Variants in GABRG1 observed in about 807,000 individuals in gnomAD.
GABRG1 encodes gamma-aminobutyric acid type A receptor subunit gamma1, also known as gamma-aminobutyric acid receptor subunit gamma-1.
A neutral mutation model predicts 49.8 loss-of-function variants in GABRG1; 49 were observed. The observed-to-expected ratio is 0.98, with a 90% confidence interval of 0.78 to 1.25. The LOEUF is 1.25. Ranked by LOEUF, GABRG1 falls within the 50% of genes most tolerant of loss-of-function variation. The pLI, the probability that GABRG1 is intolerant of heterozygous loss-of-function variation, is 0.00. For synonymous variants in GABRG1, 232 were observed against 185.1 expected (o/e 1.25, Z -2.06); for missense variants, 552 against 552.3 (o/e 1.00, Z 0.01).
In GABRG1 at chr4:46,041,169, C is replaced by T. The variant is rs1181924335; in HGVS notation, c.1217G>A (p.Cys406Tyr). Residue 406 changes from cysteine (C) to tyrosine (Y), a missense_variant, in exon 9 of 9, where the codon TGT becomes TAT. Cys to Tyr is a radical substitution (Grantham distance 194). Transcript: ENST00000295452. ...VPQEDDYGYQ[C>Y]LEGKDCASFF... is the part of the protein sequence containing the mutation. ...GCTGGCACAATCTTTGCCCTCCAAA[C>T]ACTGATACCCATAATCATCTTCTTG... 6.2e-7 allele frequency: 1 copy of T among 1,613,056 alleles called. No homozygotes were observed. The highest frequency in any genetic ancestry group is 1.1e-5 in the South Asian group (1 of 91,078).
chr4:46,107,955 T>C (rs916197515), intron 1 of GABRG1, among the ~76,000 whole-genome samples: 11 of 151,200 alleles, frequency 7.3e-5, no homozygotes, highest in African/African-American at 2.7e-4. Context: ...GTATATGTGA[T>C]AGACAAAAAT....
intron 1 of GABRG1, among the ~76,000 whole-genome samples, chr4:46,112,902 A>G (rs1459949175): frequency 6.6e-6 from 1 of 151,040 alleles, no homozygotes; most frequent in East Asian, 2.0e-4. Flanking sequence ...CAGGTAAAAA[A>G]TCTGCACATG....
At chr4:46,092,542 A>G (rs1417516431) in intron 2 of GABRG1, among the ~76,000 whole-genome samples, 1 of 152,056 alleles carries the variant, frequency 6.6e-6, no homozygotes, top group Non-Finnish European at 1.5e-5. Context: ...AATAGAGAAC[A>G]AATTAAATAG....
chr4:46,075,120 T>G (rs1719275935), intron 3 of GABRG1, among the ~76,000 whole-genome samples: 1 of 151,804 alleles, frequency 6.6e-6, no homozygotes, highest in Non-Finnish European at 1.5e-5. Flanking sequence ...GGATAAAGCC[T>G]AAGATGAACA....
intron 1 of GABRG1, among the ~76,000 whole-genome samples, chr4:46,117,727 C>CATATATA (rs1401225331): frequency 1.4e-5 from 2 of 141,952 alleles, no homozygotes; most frequent in Non-Finnish European, 3.1e-5. Flanking sequence ...TATACATATA[C>CATATATA]ATATATACAT....
chr4:46,115,548 A>C (rs533546944), intron 1 of GABRG1, among the ~76,000 whole-genome samples: 1 of 150,918 alleles, frequency 6.6e-6, no homozygotes. Flanking sequence ...CAAACTGTAA[A>C]GTAAAATTAA....
In GABRG1 at chr4:46,097,318, C is replaced by T. The variant is rs868280695; in HGVS notation, c.136G>A (p.Asp46Asn). ...VDKADDEDDE[D>N]LTVNKTWVLA... ...ACCCAGGTTTTGTTCACCGTTAAATCCTCATCATCTTCATCATCTGCCTTA... is the reference window on the plus strand; with the variant it reads ...ACCCAGGTTTTGTTCACCGTTAAATTCTCATCATCTTCATCATCTGCCTTA... The change falls in exon 2 of 9, where the codon GAT becomes AAT. Residue 46 changes from aspartate (D) to asparagine (N), a missense_variant. Coordinates refer to ENST00000295452, the MANE Select transcript of GABRG1 (RefSeq NM_173536.4). 1 of 1,609,280 alleles carries T rather than the reference C, an allele frequency of 6.2e-7. No homozygotes were observed. Among genetic ancestry groups the T allele is most frequent in the Non-Finnish European group, 8.5e-7 (1 of 1,177,316 alleles).
Position 46,039,504 on chromosome 4 carries a change from T to C in GABRG1, c.*1484A>G, listed in dbSNP as rs1159921250. The C allele has an allele frequency of 6.6e-6, 1 of 151,734 alleles. No homozygotes were observed. 9.4% of individuals were successfully genotyped at this position (151,734 alleles called of 1,614,324 possible). On this transcript the variant is annotated 3_prime_UTR_variant, in exon 9 of 9. Transcript: ENST00000295452. The stretch of plus-strand genomic sequence containing the variant: ...AATTGCAGAGGTGACAGGTTTCCTC[T>C]CAAACCTTAAGTAAGATAGGCTGTG...
At chr4:46,087,533 T>A (rs1395381220) in intron 2 of GABRG1, among the ~76,000 whole-genome samples, 1 of 151,778 alleles carries the variant, frequency 6.6e-6, no homozygotes, top group Admixed American at 6.6e-5. Context: ...CAGGAGGAGA[T>A]AAATTTTTCA....
At chr4:46,118,392 T>G (rs1720998380) in intron 1 of GABRG1, among the ~76,000 whole-genome samples, 1 of 150,586 alleles carries the variant, frequency 6.6e-6, no homozygotes, top group African/African-American at 2.4e-5. Context: ...GGCAACTTCT[T>G]TATTGCTCCC....
chr4:46,092,952 C>A (rs1454354654), intron 2 of GABRG1, among the ~76,000 whole-genome samples: 1 of 151,356 alleles, frequency 6.6e-6, no homozygotes, highest in Non-Finnish European at 1.5e-5. Flanking sequence ...GCCTATAATC[C>A]CAGCTACTCA....
chr4:46,038,911 T>A lies in GABRG1; in HGVS notation c.*2077A>T, dbSNP rs1717642784. 6.6e-6 allele frequency: 1 copy of A among 150,432 alleles called. No homozygotes were observed. Among genetic ancestry groups the A allele is most frequent in the Non-Finnish European group, 1.5e-5 (1 of 67,570 alleles). The allele number at this position is 150,432 out of a possible 1,614,324, so 9.3% of individuals were successfully genotyped here. A position where few individuals can be genotyped will look rare whatever the true frequency, so the allele number is the denominator to read the frequency against. On this transcript the variant is annotated 3_prime_UTR_variant, in exon 9 of 9. Coordinates refer to ENST00000295452, the MANE Select transcript of GABRG1 (RefSeq NM_173536.4). The stretch of plus-strand genomic sequence containing the variant: ...AACACCAGTGAGAAAATCAAAGCTA[T>A]TTTTTTTCTTTTACATAGAACGTGG...
At chr4:46,053,994 A>G (rs1718347701) in intron 7 of GABRG1, among the ~76,000 whole-genome samples, 6 of 38,128 alleles carry the variant, frequency 1.6e-4, no homozygotes, top group Non-Finnish European at 2.5e-4. Flanking sequence ...CATCGTTTAA[A>G]TCTTTAATCC....
At chr4:46,108,709 G>A (rs1720634661) in intron 1 of GABRG1, among the ~76,000 whole-genome samples, 1 of 150,860 alleles carries the variant, frequency 6.6e-6, no homozygotes, top group African/African-American at 2.4e-5. Context: ...TTTGTTGTAT[G>A]AATGAAAACA....
At chr4:46,081,782 G>A (rs1384017288) in intron 3 of GABRG1, among the ~76,000 whole-genome samples, 6 of 151,866 alleles carry the variant, frequency 4.0e-5, no homozygotes, top group South Asian at 2.1e-4. Context: ...GTCAACATGC[G>A]GCTTTTAGGG....
intron 8 of GABRG1, among the ~76,000 whole-genome samples, chr4:46,050,033 A>G (rs1718155460): frequency 6.6e-6 from 1 of 151,984 alleles, no homozygotes; most frequent in Non-Finnish European, 1.5e-5. Context: ...ATAGATACAG[A>G]TAAGTAAACG....
chr4:46,053,555 T>G (rs983735812), intron 7 of GABRG1, among the ~76,000 whole-genome samples: 1 of 151,972 alleles, frequency 6.6e-6, no homozygotes, highest in African/African-American at 2.4e-5. Flanking sequence ...TATACAAGTC[T>G]CCCTTTGCCT....
At position 46,048,828 on chromosome 4, in the gene GABRG1, C is replaced by T. The variant is rs531865944; in HGVS notation, c.1131+2596G>A. On this transcript the variant is annotated intron_variant, in intron 8 of 8. Coordinates refer to ENST00000295452, the MANE Select transcript of GABRG1 (RefSeq NM_173536.4). ...AGAGTAAGTTAAAACGGGTGTTTAT[C>T]AATTTATATTTTTAGGTGGTTCTTT... Among the ~76,000 whole-genome samples the T allele has an allele frequency of 2.0e-5, 3 of 151,958 alleles. 1 individual carries two copies. The South Asian group carries it at 6.2e-4, about 32-fold the overall frequency.
At chr4:46,050,912 T>G (rs1282990245) in intron 8 of GABRG1, among the ~76,000 whole-genome samples, 2 of 151,872 alleles carry the variant, frequency 1.3e-5, no homozygotes, top group African/African-American at 4.8e-5. Context: ...TATATTAGAT[T>G]CAGGAGAATC....
Sources: gnomAD v4.1 joint callset for allele counts (sites outside exome capture counted in the v4.1 genomes callset) on GRCh38, gnomAD v4.1.1 for gene constraint, MANE v1.5 for transcripts, NCBI Gene and HGNC (gene_info 2026-07-23, HGNC 2026-07-21) for gene names.